Variants in ADAT3 observed in about 807,000 individuals in gnomAD.
ADAT3 encodes the protein adenosine deaminase tRNA specific 3, also known as tRNA-specific adenosine-34 deaminase regulatory subunit ADAT3.
ADAT3 carries 2 observed loss-of-function variants against 3.5 expected under a neutral mutation model. The observed-to-expected ratio is 0.57, with a 90% CI of 0.23 to 1.79. The LOEUF (loss-of-function observed/expected upper bound fraction) is 1.79. Among genes scored for constraint, ADAT3 ranks in the 40% most tolerant of loss-of-function variants. The probability of loss-of-function intolerance (pLI) is 0.18; values close to 1 mark genes in which losing one functional copy is unlikely to be tolerated. For missense variants in ADAT3, 735 were observed against 571.4 expected (o/e 1.29, Z -2.92); for synonymous variants, 358 against 270.3 (o/e 1.32, Z -3.18).
chr19:1,909,810 C>G (rs1322850894), intron 1 of ADAT3, among the ~76,000 whole-genome samples: 1 of 152,316 alleles, frequency 6.6e-6, no homozygotes, highest in East Asian at 1.9e-4. Flanking sequence ...CTGCTCCACC[C>G]GACAGCCAGG....
chr19:1,906,866 T>TTGTGTGTGTGTGCGTG (rs2013147429), intron 1 of ADAT3: 1 of 130,084 alleles, frequency 7.7e-6, no homozygotes, highest in African/African-American at 3.0e-5. Flanking sequence ...AAAAAAAAAA[T>TTGTGTGTGTGTGCGTG]TGTGTGTGTG....
chr19:1,907,182 C>A (rs62127734), intron 1 of ADAT3: 6 of 150,868 alleles, frequency 4.0e-5, no homozygotes, highest in African/African-American at 1.5e-4. Context: ...GTGAGACTGT[C>A]CCAAAAAAAA....
In ADAT3 at chr19:1,908,054, G is replaced by T. The variant is rs920423671; in HGVS notation, c.-159+2615G>T. ...ATCAGACAGAGGTTGTACTCTTGGA[G>T]GGACAAGCGAGGCTGTGTTTGTCTT... On this transcript the variant is annotated intron_variant, in intron 1 of 1. Coordinates refer to ENST00000329478, the MANE Select transcript of ADAT3 (RefSeq NM_138422.4). This position sits in a 1 kb window ranked among gnomAD's most constrained non-coding sequence, Gnocchi z 4.2. The T allele has an allele frequency of 2.3e-5, 4 of 171,188 alleles. No homozygotes were observed. The highest frequency in any genetic ancestry group is 6.0e-5 in the Admixed American group (1 of 16,606). 10.6% of individuals were successfully genotyped at this position (171,188 alleles called of 1,614,324 possible).
chr19:1,905,675 C>T (rs771246902), intron 1 of ADAT3: 1 of 155,970 alleles, frequency 6.4e-6, no homozygotes, highest in Non-Finnish European at 1.5e-5. Flanking sequence ...AGCCTCAGGA[C>T]CGCGCTCCCC....
rs549956712 is a variant in ADAT3 at position 1,905,403 on chromosome 19, C to T, written c.-195C>T. 1.3e-4 allele frequency: 61 copies of T among 464,564 alleles called. No individual in the cohort carries two copies. The highest frequency in any genetic ancestry group is 1.2e-3 in the African/African-American group (59 of 49,462). 28.8% of individuals were successfully genotyped at this position (464,564 alleles called of 1,614,324 possible). A position where few individuals can be genotyped will look rare whatever the true frequency, so the allele number is the denominator to read the frequency against. On this transcript the variant is annotated 5_prime_UTR_variant, in exon 1 of 2. Coordinates refer to ENST00000329478, the MANE Select transcript of ADAT3 (RefSeq NM_138422.4). ...GGTTGGGCCGGGCCGGTTGCTAAGACTTGGCGAAGCGCTGCGCTCGCGCCC... is the reference window on the plus strand; with the variant it reads ...GGTTGGGCCGGGCCGGTTGCTAAGATTTGGCGAAGCGCTGCGCTCGCGCCC...
In ADAT3 at chr19:1,912,422, C is replaced by T; in HGVS notation, c.375C>T (p.Leu125=). 1 of 1,512,118 alleles carries T rather than the reference C, an allele frequency of 6.6e-7. No homozygotes were observed. Among genetic ancestry groups the T allele is most frequent in the South Asian group, 1.2e-5 (1 of 81,334 alleles). The allele number at this position is 1,512,118 out of a possible 1,614,324, so 93.7% of individuals were successfully genotyped here. A position where few individuals can be genotyped will look rare whatever the true frequency, so the allele number is the denominator to read the frequency against. Residue 125 remains leucine, a synonymous_variant, in exon 2 of 2, where the codon CTC becomes CTT. Transcript: ENST00000329478. ...CGGGCCCGCGCTCGCTGGCTGAGCT[C>T]CTGCCACGGCCGGCTGTGGACCCCC... ...PASGPRSLAE[L]LPRPAVDPRG...
At position 1,912,829 on chromosome 19, in the gene ADAT3, C is replaced by G. The variant is rs771673598; in HGVS notation, c.782C>G (p.Pro261Arg). The G allele has an allele frequency of 2.5e-6, 4 of 1,591,238 alleles. No homozygotes were observed. The highest frequency in any genetic ancestry group is 1.3e-5 in the African/African-American group (1 of 74,490). ...GGCCGCGGCACCTACGACTTCAGAC[C>G]CTTCCCCGCCTGCTCCTTCGCCCCG... is the stretch of plus-strand genomic sequence containing the variant. ...GQGRGTYDFR[P>R]FPACSFAPAA... Residue 261 changes from proline to arginine, a missense_variant, in exon 2 of 2, where the codon CCC (proline) becomes CGC (arginine). Physicochemically the swap from Pro to Arg is moderately radical, Grantham distance 103. Coordinates refer to ENST00000329478, the MANE Select transcript of ADAT3 (RefSeq NM_138422.4).
rs961175189 is a variant in ADAT3 at position 1,913,318 on chromosome 19, C to T, written c.*167C>T. On this transcript the variant is annotated 3_prime_UTR_variant, in exon 2 of 2. Coordinates refer to ENST00000329478, the MANE Select transcript of ADAT3 (RefSeq NM_138422.4). ...TGCCTTCCGTGCGGATCGAGCTTTC[C>T]TGGACTCGGTCATTGGGGCCACCCC... The T allele has an allele frequency of 2.8e-6, 3 of 1,087,972 alleles. No individual in the cohort carries two copies. Among genetic ancestry groups the T allele is most frequent in the Non-Finnish European group, 1.3e-6 (1 of 777,002 alleles). 67.4% of individuals were successfully genotyped at this position (1,087,972 alleles called of 1,614,324 possible). A position where few individuals can be genotyped will look rare whatever the true frequency, so the allele number is the denominator to read the frequency against.
chr19:1,912,384 G>A lies in ADAT3; in HGVS notation c.337G>A (p.Ala113Thr), dbSNP rs1014164450. 2.0e-6 allele frequency: 3 copies of A among 1,519,830 alleles called. No individual in the cohort carries two copies. Among genetic ancestry groups the A allele is most frequent in the Admixed American group, 2.0e-5 (1 of 49,218 alleles). The allele number at this position is 1,519,830 out of a possible 1,614,324, so 94.1% of individuals were successfully genotyped here. The change falls in exon 2 of 2, where the codon GCT becomes ACT. Residue 113 changes from alanine to threonine, a missense_variant. Ala to Thr is a moderately conservative substitution (Grantham distance 58, BLOSUM62 0). Coordinates refer to ENST00000329478, the MANE Select transcript of ADAT3 (RefSeq NM_138422.4). ...CGCCCTGGAGATGCTGCTTTGCCTG[G>A]CTGGGCCGGCCTCGGGCCCGCGCTC... ...PHALEMLLCL[A>T]GPASGPRSLA...
rs542764394 is a variant in ADAT3, at chr19:1,911,375, T to C, written c.-158-515T>C. Reference sequence around the variant, plus strand: ...TTAGTAGAAATGGGGTGTTGTTATGTTGCCTAGGCTGGTCTTAAACTCCTG... The same window carrying C: ...TTAGTAGAAATGGGGTGTTGTTATGCTGCCTAGGCTGGTCTTAAACTCCTG... On this transcript the variant is annotated intron_variant, in intron 1 of 1. Coordinates refer to ENST00000329478, the MANE Select transcript of ADAT3 (RefSeq NM_138422.4). Among the ~76,000 whole-genome samples, 10 of 152,182 alleles carry C rather than the reference T, an allele frequency of 6.6e-5. 1 individual carries two copies. The highest frequency in any genetic ancestry group is 5.9e-4 in the Admixed American group (9 of 15,280).
In ADAT3 at chr19:1,912,869, G is replaced by A. The variant is rs376361991; in HGVS notation, c.822G>A (p.Gln274=). 1 of 1,600,744 alleles carries A rather than the reference G, an allele frequency of 6.2e-7. No homozygotes were observed. Among genetic ancestry groups the A allele is most frequent in the South Asian group, 1.1e-5 (1 of 90,822 alleles). Residue 274 remains glutamine (Q), a synonymous_variant, in exon 2 of 2, where the codon CAG becomes CAA. Coordinates refer to ENST00000329478, the MANE Select transcript of ADAT3 (RefSeq NM_138422.4). ...ACSFAPAAAP[Q]AVRAGAVRKL... ...CCTTCGCCCCGGCCGCTGCCCCCCAGGCCGTCCGCGCAGGCGCCGTGCGTA... is the reference window on the plus strand; with the variant it reads ...CCTTCGCCCCGGCCGCTGCCCCCCAAGCCGTCCGCGCAGGCGCCGTGCGTA...
At position 1,912,430 on chromosome 19, in the gene ADAT3, G is replaced by A. The variant is rs200992550; in HGVS notation, c.383G>A (p.Arg128Gln). ...CGCTCGCTGGCTGAGCTCCTGCCACGGCCGGCTGTGGACCCCCGCGGCCTG... is the reference window on the plus strand; with the variant it reads ...CGCTCGCTGGCTGAGCTCCTGCCACAGCCGGCTGTGGACCCCCGCGGCCTG... ...GPRSLAELLP[R>Q]PAVDPRGLGQ... Residue 128 changes from arginine (R) to glutamine (Q), a missense_variant, in exon 2 of 2, where the codon CGG becomes CAG. Physicochemically the swap from Arg to Gln is conservative, Grantham distance 43. Transcript: ENST00000329478. The A allele has an allele frequency of 4.6e-6, 7 of 1,511,234 alleles. No homozygotes were observed. The highest frequency in any genetic ancestry group is 2.6e-5 in the East Asian group (1 of 37,746). The allele number at this position is 1,511,234 out of a possible 1,614,324, so 93.6% of individuals were successfully genotyped here.
At position 1,912,109 on chromosome 19, in the gene ADAT3, C is replaced by T. The variant is rs538664300; in HGVS notation, c.62C>T (p.Pro21Leu). The change falls in exon 2 of 2, where the codon CCG becomes CTG. Residue 21 changes from proline to leucine, a missense_variant. Transcript: ENST00000329478. ...QSASLRMEPA[P>L]GLVEQPKCLE... ...GCCTCGCTGAGGATGGAGCCCGCCCCGGGCCTCGTGGAGCAGCCCAAGTGC... is the reference window on the plus strand; with the variant it reads ...GCCTCGCTGAGGATGGAGCCCGCCCTGGGCCTCGTGGAGCAGCCCAAGTGC... 5.1e-4 allele frequency: 774 copies of T among 1,521,050 alleles called. No homozygotes were observed. The highest frequency in any genetic ancestry group is 6.4e-4 in the Non-Finnish European group (724 of 1,139,530). 94.2% of individuals were successfully genotyped at this position (1,521,050 alleles called of 1,614,324 possible).
Position 1,912,410 on chromosome 19 carries a change from G to C in ADAT3, c.363G>C (p.Ser121=). The change falls in exon 2 of 2, where the codon TCG becomes TCC. Residue 121 remains serine (S), a synonymous_variant. Coordinates refer to ENST00000329478, the MANE Select transcript of ADAT3 (RefSeq NM_138422.4). ...CTGGGCCGGCCTCGGGCCCGCGCTCGCTGGCTGAGCTCCTGCCACGGCCGG... is the reference window on the plus strand; with the variant it reads ...CTGGGCCGGCCTCGGGCCCGCGCTCCCTGGCTGAGCTCCTGCCACGGCCGG... ...CLAGPASGPR[S]LAELLPRPAV... 1 of 1,513,786 alleles carries C rather than the reference G, an allele frequency of 6.6e-7. No homozygotes were observed. Among genetic ancestry groups the C allele is most frequent in the Non-Finnish European group, 8.8e-7 (1 of 1,138,240 alleles). The allele number at this position is 1,513,786 out of a possible 1,614,324, so 93.8% of individuals were successfully genotyped here. A position where few individuals can be genotyped will look rare whatever the true frequency, so the allele number is the denominator to read the frequency against.
chr19:1,912,565 C>T lies in ADAT3; in HGVS notation c.518C>T (p.Thr173Ile). ...TCCTTCCACGAGGACAAGCAGGTGACCAGCGCCCTGGCTGGGCGGCTCTTC... is the reference window on the plus strand; with the variant it reads ...TCCTTCCACGAGGACAAGCAGGTGATCAGCGCCCTGGCTGGGCGGCTCTTC... The part of the protein sequence containing the change: ...PTSFHEDKQV[T>I]SALAGRLFST... Residue 173 changes from threonine to isoleucine, a missense_variant, in exon 2 of 2, where the codon ACC becomes ATC. Transcript: ENST00000329478. The T allele has an allele frequency of 6.7e-7, 1 of 1,498,738 alleles. No homozygotes were observed. Among genetic ancestry groups the T allele is most frequent in the Non-Finnish European group, 8.8e-7 (1 of 1,130,894 alleles). 92.8% of individuals were successfully genotyped at this position (1,498,738 alleles called of 1,614,324 possible). A position where few individuals can be genotyped will look rare whatever the true frequency, so the allele number is the denominator to read the frequency against.
intron 1 of ADAT3, among the ~76,000 whole-genome samples, chr19:1,909,372 C>G (rs745514139): frequency 6.6e-6 from 1 of 152,224 alleles, no homozygotes; most frequent in Non-Finnish European, 1.5e-5. Flanking sequence ...AGGCTCCCTT[C>G]TAATGGGCGG....
rs767966892 is a variant in ADAT3 at position 1,913,170 on chromosome 19, C to G, written c.*19C>G. On this transcript the variant is annotated 3_prime_UTR_variant, in exon 2 of 2. Transcript: ENST00000329478. Reference sequence around the variant, plus strand: ...CACGTAGGCGCCGCCCTCCTGCCTCCGGACCCTTCCCGCTCCCGGCCGTGG... The same window carrying G: ...CACGTAGGCGCCGCCCTCCTGCCTCGGGACCCTTCCCGCTCCCGGCCGTGG... 6.7e-7 allele frequency: 1 copy of G among 1,503,520 alleles called. No individual in the cohort carries two copies. Among genetic ancestry groups the G allele is most frequent in the African/African-American group, 1.4e-5 (1 of 71,786 alleles). 93.1% of individuals were successfully genotyped at this position (1,503,520 alleles called of 1,614,324 possible). A position where few individuals can be genotyped will look rare whatever the true frequency, so the allele number is the denominator to read the frequency against.
chr19:1,911,141 C>G (rs1351872683), intron 1 of ADAT3, among the ~76,000 whole-genome samples: 1 of 152,080 alleles, frequency 6.6e-6, no homozygotes, highest in Non-Finnish European at 1.5e-5. Flanking sequence ...TCCCAAAGTG[C>G]TAGGATTACA....
rs750417268 is a variant in ADAT3, at chr19:1,912,874, T to C, written c.827T>C (p.Val276Ala). 10 of 1,602,176 alleles carry C rather than the reference T, an allele frequency of 6.2e-6. No homozygotes were observed. The highest frequency in any genetic ancestry group is 1.6e-4 in the Middle Eastern group (1 of 6,074). ...GCCCCGGCCGCTGCCCCCCAGGCCG[T>C]CCGCGCAGGCGCCGTGCGTAAACTG... is the stretch of plus-strand genomic sequence containing the variant. Reference protein sequence around the residue: ...SFAPAAAPQAVRAGAVRKLDA... With the variant: ...SFAPAAAPQAARAGAVRKLDA... Residue 276 changes from valine (V) to alanine (A), a missense_variant, in exon 2 of 2, where the codon GTC becomes GCC. Physicochemically the swap from Val to Ala is moderately conservative, Grantham distance 64 (BLOSUM62 0). Transcript: ENST00000329478.
Sources: gnomAD v4.1 joint callset for allele counts (sites outside exome capture counted in the v4.1 genomes callset) on GRCh38, gnomAD v4.1.1 for gene constraint, Gnocchi (gnomAD v3.1) non-coding constraint, MANE v1.5 for transcripts, NCBI Gene and HGNC (gene_info 2026-07-23, HGNC 2026-07-21) for gene names.